Variants in VIPAS39 observed in about 807,000 individuals in gnomAD.
The protein encoded by VIPAS39 is spermatogenesis-defective protein 39 homolog.
VIPAS39 carries 63 observed loss-of-function variants against 84.7 expected under a neutral mutation model. That is an observed-to-expected ratio of 0.74 (90% CI 0.61 to 0.92). VIPAS39 has a LOEUF of 0.92. VIPAS39 is among the 40% of genes least tolerant of loss of function. The pLI is 0.00. For synonymous variants in VIPAS39, 192 were observed against 216.5 expected (o/e 0.89, Z 0.99); for missense variants, 499 against 604.5 (o/e 0.83, Z 1.83).
At chr14:77,437,778 T>C (rs772323513) in intron 12 of VIPAS39, 30 bp downstream of exon 12, 7 of 1,603,640 alleles carry the variant, frequency 4.4e-6, no homozygotes, top group Non-Finnish European at 5.1e-6. Flanking sequence ...AAGGTATTTA[T>C]ACTTAAAATC....
rs2078972438 is a variant in VIPAS39, at chr14:77,457,143, G to A, written c.-1+352C>T. ...TTATCTTCCGAGCCAGGAAGATACAGGTGAGGCTTGTGAACTGAGACCAGG... is the reference window on the plus strand; with the variant it reads ...TTATCTTCCGAGCCAGGAAGATACAAGTGAGGCTTGTGAACTGAGACCAGG... On this transcript the variant is annotated intron_variant, in intron 1 of 19. Transcript: ENST00000557658. 8 of 1,432,938 alleles carry A rather than the reference G, an allele frequency of 5.6e-6. No homozygotes were observed. In the South Asian group the frequency reaches 1.2e-4, roughly 21 times the overall value. 88.8% of individuals were successfully genotyped at this position (1,432,938 alleles called of 1,614,324 possible).
rs180986812 is a variant in VIPAS39 at position 77,436,018 on chromosome 14, G to A, written c.837-99C>T. 4.7e-4 allele frequency: 551 copies of A among 1,165,388 alleles called. 4 individuals carry two copies. In the African/African-American group the frequency reaches 7.1e-3, roughly 15 times the overall value. 72.2% of individuals were successfully genotyped at this position (1,165,388 alleles called of 1,614,324 possible). The stretch of plus-strand genomic sequence containing the variant: ...AGCATAAGTATAAGAGGCTCACGGT[G>A]CCTCACAAGTCTGATCTCAGTTCAC... On this transcript the variant is annotated intron_variant, in intron 12 of 19. Transcript: ENST00000557658.
In VIPAS39 at chr14:77,437,804, T is replaced by C. The variant is rs201004985; in HGVS notation, c.836+4A>G. On this transcript the variant is annotated splice_donor_region_variant and intron_variant, in intron 12 of 19. Transcript: ENST00000557658. ...ACTTAAAATCATTTTTCCCCCATAC[T>C]TACCCAACACAGGTTTTAAGAAATT... 117 of 1,613,762 alleles carry C rather than the reference T, an allele frequency of 7.3e-5. No individual in the cohort carries two copies. Among genetic ancestry groups the C allele is most frequent in the Admixed American group, 1.7e-4 (10 of 60,006 alleles).
At position 77,441,112 on chromosome 14, in the gene VIPAS39, G is replaced by A; in HGVS notation, c.735-19C>T. 2 of 1,612,434 alleles carry A rather than the reference G, an allele frequency of 1.2e-6. No individual in the cohort carries two copies. Among genetic ancestry groups the A allele is most frequent in the Non-Finnish European group, 1.7e-6 (2 of 1,179,520 alleles). On this transcript the variant is annotated intron_variant, in intron 10 of 19. Coordinates refer to ENST00000557658, the MANE Select transcript of VIPAS39 (RefSeq NM_001193315.2). Reference sequence around the variant, plus strand: ...TAGGAACCTGGGAAGAAGCAGAAGGGAGCAGGGCATTTGTATCTATTGATG... The same window carrying A: ...TAGGAACCTGGGAAGAAGCAGAAGGAAGCAGGGCATTTGTATCTATTGATG...
At chr14:77,440,944 C>T in intron 11 of VIPAS39, 122 bp downstream of exon 11, 4 of 1,201,470 alleles carry the variant, frequency 3.3e-6, no homozygotes, top group Non-Finnish European at 4.8e-6. Context: ...TCTTGAACTC[C>T]TGACCTCAGG....
At chr14:77,443,275 G>T in intron 8 of VIPAS39, 123 bp from the exon 9 acceptor site, 1 of 1,166,184 alleles carries the variant, frequency 8.6e-7, no homozygotes. Context: ...AGCTCTGTAT[G>T]TGATGCAAGG....
At chr14:77,446,975 A>G (rs965688442) in intron 7 of VIPAS39, among the ~76,000 whole-genome samples, 1 of 147,574 alleles carries the variant, frequency 6.8e-6, no homozygotes, top group Non-Finnish European at 1.5e-5. Flanking sequence ...CTATAAGATT[A>G]TAAGTTACAT....
chr14:77,448,607 T>A (rs975999760), intron 6 of VIPAS39, 57 bp from the exon 7 acceptor site: 109 of 1,556,268 alleles, frequency 7.0e-5, no homozygotes, highest in Non-Finnish European at 9.6e-5. Flanking sequence ...TTTATCAGCA[T>A]ACCCGCTCCT....
At chr14:77,433,265 A>G (rs1008686734) in intron 16 of VIPAS39, among the ~76,000 whole-genome samples, 3 of 152,018 alleles carry the variant, frequency 2.0e-5, no homozygotes, top group African/African-American at 7.3e-5. Flanking sequence ...CAATGGTGCA[A>G]TCTTGGCTCA....
At chr14:77,431,523 T>C (rs1566722212) in intron 16 of VIPAS39, among the ~76,000 whole-genome samples, 2 of 152,026 alleles carry the variant, frequency 1.3e-5, no homozygotes, top group Admixed American at 1.3e-4. Flanking sequence ...AGACAAATGA[T>C]GTGTTAGCAA....
At chr14:77,449,389 G>T (rs1296451573) in intron 5 of VIPAS39, 32 bp from the exon 6 acceptor site, 1 of 1,611,940 alleles carries the variant, frequency 6.2e-7, no homozygotes, top group Non-Finnish European at 8.5e-7. Flanking sequence ...GTTCAGAAGG[G>T]CACCATGAAT....
At chr14:77,448,949 A>G (rs2078840991) in intron 6 of VIPAS39, among the ~76,000 whole-genome samples, 1 of 152,216 alleles carries the variant, frequency 6.6e-6, no homozygotes, top group Non-Finnish European at 1.5e-5. Flanking sequence ...CTTCCTTATG[A>G]ATCAATTTGC....
At chr14:77,457,303 A>G in intron 1 of VIPAS39, 192 bp downstream of exon 1, 2 of 1,535,668 alleles carry the variant, frequency 1.3e-6, no homozygotes, top group South Asian at 1.2e-5. Context: ...TTCCGAACCA[A>G]TCGCTGGTGC....
intron 7 of VIPAS39, among the ~76,000 whole-genome samples, chr14:77,448,209 C>T (rs771547535): frequency 3.9e-4 from 60 of 152,282 alleles, no homozygotes; most frequent in Admixed American, 8.5e-4. Flanking sequence ...CCTCCTCGGC[C>T]TCCCAAAGTG....
chr14:77,440,119 T>C (rs1229192870), intron 11 of VIPAS39: 1 of 151,984 alleles, frequency 6.6e-6, no homozygotes, highest in Non-Finnish European at 1.5e-5. Flanking sequence ...TCCTGGACTC[T>C]AGTGTTCCTC....
At chr14:77,450,141 C>T (rs959107489) in intron 4 of VIPAS39, among the ~76,000 whole-genome samples, 4 of 152,326 alleles carry the variant, frequency 2.6e-5, no homozygotes, top group East Asian at 3.9e-4. Flanking sequence ...ATTCCCTCCA[C>T]CCCAGCTCTT....
At chr14:77,441,311 T>A in intron 10 of VIPAS39, 1 of 537,030 alleles carries the variant, frequency 1.9e-6, no homozygotes, top group Non-Finnish European at 3.4e-6. Context: ...ATAACTTTGT[T>A]AACAGTTCTG....
In VIPAS39 at chr14:77,429,076, T is replaced by C. The variant is rs763242224; in HGVS notation, c.1286A>G (p.Asn429Ser). 22 of 1,613,840 alleles carry C rather than the reference T, an allele frequency of 1.4e-5. No homozygotes were observed. The highest frequency in any genetic ancestry group is 8.3e-5 in the Admixed American group (5 of 59,990). The change falls in exon 18 of 20, where the codon AAT becomes AGT. Residue 429 changes from asparagine to serine, a missense_variant. Asn to Ser is a conservative substitution (Grantham distance 46, BLOSUM62 1). Coordinates refer to ENST00000557658, the MANE Select transcript of VIPAS39 (RefSeq NM_001193315.2). ...APVQILQEYV[N>S]LVEDVDTKLN... The stretch of plus-strand genomic sequence containing the variant: ...CTTCGTGTCCACATCTTCCACCAGA[T>C]TGACATACTCCTGTAATATCTGTGG...
intron 7 of VIPAS39, among the ~76,000 whole-genome samples, chr14:77,445,872 G>A (rs915573307): frequency 1.5e-4 from 22 of 151,048 alleles, no homozygotes; most frequent in Admixed American, 3.3e-4. Flanking sequence ...CCTGGGAGGC[G>A]TAGGTTGCAG....
Sources: gnomAD v4.1 joint callset for allele counts (sites outside exome capture counted in the v4.1 genomes callset) on GRCh38, gnomAD v4.1.1 for gene constraint, MANE v1.5 for transcripts, NCBI Gene and HGNC (gene_info 2026-07-23, HGNC 2026-07-21) for gene names.